The following MYO7B variants were observed in gnomAD, a reference collection of about 807,000 sequenced individuals.
The protein encoded by MYO7B is unconventional myosin-VIIb.
A neutral mutation model predicts 259.7 loss-of-function variants in MYO7B; 212 were observed. The observed-to-expected ratio is 0.82, with a 90% CI of 0.73 to 0.91. MYO7B has a LOEUF of 0.91. Among genes scored for constraint, MYO7B ranks in the 40% least tolerant of loss-of-function variants. The pLI is 0.00. For missense variants in MYO7B, 2,732 were observed against 2,813.5 expected (o/e 0.97, Z 0.66); for synonymous variants, 1,197 against 1,166.4 (o/e 1.03, Z -0.54).
At position 127,590,451 on chromosome 2, in the gene MYO7B, C is replaced by T. The variant is rs1041130443; in HGVS notation, c.1992+222C>T. On this transcript the variant is annotated intron_variant, in intron 16 of 47. Transcript: ENST00000409816. This position sits in a 1 kb window ranked among gnomAD's most constrained non-coding sequence, Gnocchi z 4.6. ...GCTGAGACCTCAGTTCCCTTAGCTCCGCCATGCATCTTCTGTGCGTTCTTG... is the reference window on the plus strand; with the variant it reads ...GCTGAGACCTCAGTTCCCTTAGCTCTGCCATGCATCTTCTGTGCGTTCTTG... Among the ~76,000 whole-genome samples the T allele has an allele frequency of 7.9e-5, 12 of 152,246 alleles. No homozygotes were observed. Among genetic ancestry groups the T allele is most frequent in the South Asian group, 2.1e-4 (1 of 4,834 alleles).
In MYO7B at chr2:127,617,827, G is replaced by A. The variant is rs146610089; in HGVS notation, c.3399-2513G>A. ...TTGTAACGGGGTTTCTTATTCATCT[G>A]GTTGGTTTTAGTTTTTTCTGGGCTT... On this transcript the variant is annotated intron_variant, in intron 26 of 47. Transcript: ENST00000409816. Among the ~76,000 whole-genome samples, 12 of 150,322 alleles carry A rather than the reference G, an allele frequency of 8.0e-5. No individual in the cohort carries two copies. The East Asian group carries it at 2.3e-3, about 29-fold the overall frequency.
intron 28 of MYO7B, among the ~76,000 whole-genome samples, chr2:127,622,723 G>C (rs566266021): frequency 6.6e-6 from 1 of 152,290 alleles, no homozygotes; most frequent in East Asian, 1.9e-4. Flanking sequence ...CGAGCCCACA[G>C]GGGCTCCCTC....
chr2:127,562,515 G>T (rs1244552520), intron 2 of MYO7B, among the ~76,000 whole-genome samples: 6 of 114,678 alleles, frequency 5.2e-5, no homozygotes, highest in Non-Finnish European at 1.0e-4. Context: ...TTGAGACGGA[G>T]TCTTGCACTG....
At chr2:127,553,327 T>A (rs912912175) in intron 1 of MYO7B, among the ~76,000 whole-genome samples, 1 of 152,214 alleles carries the variant, frequency 6.6e-6, no homozygotes, top group Non-Finnish European at 1.5e-5. Flanking sequence ...GGAATTGGCT[T>A]GAATTTTTAA....
intron 2 of MYO7B, among the ~76,000 whole-genome samples, chr2:127,560,253 T>G (rs1299901691): frequency 3.3e-5 from 5 of 152,142 alleles, no homozygotes; most frequent in Admixed American, 2.0e-4. Context: ...CTCGAATTCC[T>G]GAGCTCAAAG....
Position 127,612,738 on chromosome 2 carries a change from C to G in MYO7B, c.3398+135C>G, listed in dbSNP as rs531860416. 3.0e-6 allele frequency: 4 copies of G among 1,337,654 alleles called. No homozygotes were observed. In the East Asian group the frequency reaches 1.0e-4, roughly 34 times the overall value. 82.9% of individuals were successfully genotyped at this position (1,337,654 alleles called of 1,614,324 possible). A position where few individuals can be genotyped will look rare whatever the true frequency, so the allele number is the denominator to read the frequency against. On this transcript the variant is annotated intron_variant, in intron 26 of 47. Coordinates refer to ENST00000409816, the MANE Select transcript of MYO7B (RefSeq NM_001393586.1). ...GCGGCCTGCAGGCTGGGTCTCAGGACAGCAGATGTCATAGCTACCGAGGGT... is the reference window on the plus strand; with the variant it reads ...GCGGCCTGCAGGCTGGGTCTCAGGAGAGCAGATGTCATAGCTACCGAGGGT...
intron 31 of MYO7B, 111 bp from the exon 32 acceptor site, chr2:127,626,864 C>T (rs1681154040): frequency 1.0e-6 from 1 of 993,608 alleles, no homozygotes. Flanking sequence ...CAGACACTGG[C>T]CTTGTAGAGC....
chr2:127,624,366 A>G (rs1043578230), intron 30 of MYO7B, 46 bp downstream of exon 30: 1 of 1,521,266 alleles, frequency 6.6e-7, no homozygotes, highest in Non-Finnish European at 8.9e-7. Context: ...TGCCATCAGG[A>G]AACATCCCAT....
At chr2:127,540,523 T>C (rs1473407514) in intron 1 of MYO7B, among the ~76,000 whole-genome samples, 2 of 152,200 alleles carry the variant, frequency 1.3e-5, no homozygotes, top group African/African-American at 4.8e-5. Context: ...TAGGTTTAAT[T>C]GTAGTTCTTT....
intron 43 of MYO7B, chr2:127,635,454 G>A: frequency 1.6e-6 from 1 of 625,554 alleles, no homozygotes; most frequent in Non-Finnish European, 2.8e-6. Flanking sequence ...GGAGAGGGTG[G>A]GACAGAGGGT....
In MYO7B at chr2:127,609,592, C is replaced by T; in HGVS notation, c.2901C>T (p.Gly967=). 6.2e-7 allele frequency: 1 copy of T among 1,614,004 alleles called. No homozygotes were observed. The highest frequency in any genetic ancestry group is 8.5e-7 in the Non-Finnish European group (1 of 1,179,888). ...MAEEPEEDVD[G]LAEYTFPKFA... ...AGGAGCCTGAGGAGGATGTGGATGG[C>T]CTGGCCGAGTACACCTTCCCCAAGT... The change falls in exon 23 of 48, where the codon GGC becomes GGT. Residue 967 remains glycine, a synonymous_variant. Transcript: ENST00000409816. This position sits in a 1 kb window ranked among gnomAD's most constrained non-coding sequence, Gnocchi z 6.9.
intron 6 of MYO7B, among the ~76,000 whole-genome samples, chr2:127,570,155 C>G (rs1389660933): frequency 6.6e-6 from 1 of 151,958 alleles, no homozygotes; most frequent in Non-Finnish European, 1.5e-5. Flanking sequence ...AAGGAATATT[C>G]TTTTTAAAAA....
chr2:127,554,252 T>C (rs2104829083), intron 1 of MYO7B, among the ~76,000 whole-genome samples: 1 of 152,264 alleles, frequency 6.6e-6, no homozygotes, highest in Middle Eastern at 3.4e-3. Context: ...TTTTGTATTT[T>C]TAGTAGAGAC....
intron 26 of MYO7B, among the ~76,000 whole-genome samples, chr2:127,616,656 A>G (rs1264443182): frequency 6.6e-6 from 1 of 152,236 alleles, no homozygotes; most frequent in Non-Finnish European, 1.5e-5. Context: ...CAGTTAACGT[A>G]ACGCACTCCG....
At chr2:127,608,639 G>A in intron 21 of MYO7B, 69 bp from the exon 22 acceptor site, 2 of 1,512,128 alleles carry the variant, frequency 1.3e-6, no homozygotes, top group Non-Finnish European at 1.8e-6. Context: ...TTGCCCTGTG[G>A]GGTAGGCAGG....
At chr2:127,593,374 C>T (rs1412564992) in intron 17 of MYO7B, among the ~76,000 whole-genome samples, 172 bp from the exon 18 acceptor site, 2 of 152,172 alleles carry the variant, frequency 1.3e-5, no homozygotes, top group African/African-American at 4.8e-5. Context: ...CCCGAGTTCC[C>T]TCCTCACCCC....
chr2:127,562,077 T>C (rs1678111999), intron 2 of MYO7B, among the ~76,000 whole-genome samples: 1 of 152,048 alleles, frequency 6.6e-6, no homozygotes, highest in Non-Finnish European at 1.5e-5. Flanking sequence ...TCTTCCTTTT[T>C]TATAGACACC....
chr2:127,634,210 ATG>A lies in MYO7B; in HGVS notation c.5553_5554del (p.Cys1851Ter). ...GTGGTTGCCAACACACGGGTGCGGGATGTGTGTGACAGCATTGCCACCAGGCT... is the reference window on the plus strand; with the variant it reads ...GTGGTTGCCAACACACGGGTGCGGGATGTGTGACAGCATTGCCACCAGGCT... On this transcript the variant is annotated frameshift_variant, in exon 41 of 48. Transcript: ENST00000409816. LOFTEE classifies it high-confidence loss of function. The A allele has an allele frequency of 6.2e-7, 1 of 1,604,566 alleles. No individual in the cohort carries two copies. The highest frequency in any genetic ancestry group is 1.1e-5 in the South Asian group (1 of 89,324).
At chr2:127,558,722 T>C (rs1677932086) in intron 1 of MYO7B, among the ~76,000 whole-genome samples, 1 of 152,214 alleles carries the variant, frequency 6.6e-6, no homozygotes. Context: ...TAAAAAGGAA[T>C]GAATTAATGG....
Sources: allele counts gnomAD v4.1 joint callset (sites outside exome capture counted in the v4.1 genomes callset), GRCh38; gene constraint gnomAD v4.1.1; non-coding constraint Gnocchi (gnomAD v3.1); transcripts MANE v1.5; gene names NCBI Gene and HGNC (gene_info 2026-07-23, HGNC 2026-07-21).